PPIP5K2: variants seen among roughly 807,000 people sequenced by gnomAD.
The protein encoded by PPIP5K2 is diphosphoinositol pentakisphosphate kinase 2.
In PPIP5K2, 105 loss-of-function variants were observed where a neutral mutation model predicts 154.6. That is an observed-to-expected ratio of 0.68 (90% CI 0.58 to 0.80). The LOEUF is 0.80. PPIP5K2 is among the 30% of genes least tolerant of loss of function. The pLI, the probability that PPIP5K2 is intolerant of heterozygous loss-of-function variation, is 0.00. For synonymous variants in PPIP5K2, 480 were observed against 490.3 expected (o/e 0.98, Z 0.28); for missense variants, 992 against 1,504.6 (o/e 0.66, Z 5.64).
chr5:103,173,786 A>G (rs1178592271), intron 20 of PPIP5K2, 72 bp from the exon 21 acceptor site: 3 of 1,014,782 alleles, frequency 3.0e-6, no homozygotes, highest in Non-Finnish European at 4.5e-6. Flanking sequence ...TTAATTTTAG[A>G]AAATAATTTC....
At chr5:103,151,218 AT>A (rs1554211202) in intron 8 of PPIP5K2, 34 bp from the exon 9 acceptor site, 2 of 1,532,642 alleles carry the variant, frequency 1.3e-6, no homozygotes, top group African/African-American at 1.4e-5. Context: ...AATAATTTAA[AT>A]AAAACCTTAA....
intron 1 of PPIP5K2, among the ~76,000 whole-genome samples, chr5:103,121,143 G>A (rs1554198879): frequency 1.3e-5 from 2 of 152,092 alleles, no homozygotes; most frequent in African/African-American, 4.8e-5. Context: ...AGGCTTAACT[G>A]TGGAAGTGGG....
At position 103,184,840 on chromosome 5, in the gene PPIP5K2, A is replaced by C. The variant is rs1293764873; in HGVS notation, c.3169+96A>C. ...TTTGGTGAAAGCATGACCAAATGCT[A>C]TGCTGTAGTTTTTATTTAATGTGTA... On this transcript the variant is annotated intron_variant, in intron 26 of 30. Transcript: ENST00000358359. 5.9e-6 allele frequency: 5 copies of C among 847,828 alleles called. No individual in the cohort carries two copies. The African/African-American group carries it at 6.9e-5, about 12-fold the overall frequency. 52.5% of individuals were successfully genotyped at this position (847,828 alleles called of 1,614,324 possible).
chr5:103,188,434 A>G (rs868995531), intron 28 of PPIP5K2, among the ~76,000 whole-genome samples: 47 of 152,286 alleles, frequency 3.1e-4, no homozygotes, highest in African/African-American at 9.9e-4. Context: ...CTTTAACAAC[A>G]CATCTAAATA....
At chr5:103,185,077 A>G (rs1479975823) in intron 26 of PPIP5K2, among the ~76,000 whole-genome samples, 1 of 152,150 alleles carries the variant, frequency 6.6e-6, no homozygotes, top group Non-Finnish European at 1.5e-5. Context: ...AAAAGATGCT[A>G]TTGCATGCAG....
At position 103,207,068 on chromosome 5, in the gene PPIP5K2, G is replaced by C. The variant is rs570967394; in HGVS notation, c.*5434G>C. 2 of 152,396 alleles carry C rather than the reference G, an allele frequency of 1.3e-5. No individual in the cohort carries two copies. The highest frequency in any genetic ancestry group is 1.9e-4 in the East Asian group (1 of 5,182). 9.4% of individuals were successfully genotyped at this position (152,396 alleles called of 1,614,324 possible). ...GGTACCTGGTCTAGGAATGCAGCTA[G>C]GTTTATAGACATGGCCAGCCCAGGG... On this transcript the variant is annotated 3_prime_UTR_variant, in exon 31 of 31. Coordinates refer to ENST00000358359, the MANE Select transcript of PPIP5K2 (RefSeq NM_001276277.3).
chr5:103,166,361 T>G (rs1250279245), intron 17 of PPIP5K2, among the ~76,000 whole-genome samples: 1 of 151,976 alleles, frequency 6.6e-6, no homozygotes, highest in Non-Finnish European at 1.5e-5. Flanking sequence ...ACAAGGGCAG[T>G]TTTGCAAGAG....
chr5:103,182,857 A>T (rs1317976813), intron 24 of PPIP5K2, among the ~76,000 whole-genome samples: 4 of 152,172 alleles, frequency 2.6e-5, no homozygotes, highest in African/African-American at 9.7e-5. Flanking sequence ...ATCTTAAATT[A>T]AGCAGAAAAC....
intron 14 of PPIP5K2, among the ~76,000 whole-genome samples, chr5:103,157,418 A>G (rs1795576376): frequency 6.6e-6 from 1 of 152,210 alleles, no homozygotes; most frequent in Admixed American, 6.5e-5. Flanking sequence ...AATTAGAATA[A>G]ATGTTAGGCT....
intron 7 of PPIP5K2, 43 bp downstream of exon 7, chr5:103,148,075 T>C: frequency 7.6e-7 from 1 of 1,307,252 alleles, no homozygotes; most frequent in Non-Finnish European, 1.1e-6. Context: ...ATTTCAAGTT[T>C]ACCAATGATA....
Position 103,202,808 on chromosome 5 carries a change from A to G in PPIP5K2, c.*1174A>G, listed in dbSNP as rs1224859593. On this transcript the variant is annotated 3_prime_UTR_variant, in exon 31 of 31. Coordinates refer to ENST00000358359, the MANE Select transcript of PPIP5K2 (RefSeq NM_001276277.3). ...GGACAATCTGATAAGAATTTCATGCATTGGTAGTTAAATAACTTAAATTGC... is the reference window on the plus strand; with the variant it reads ...GGACAATCTGATAAGAATTTCATGCGTTGGTAGTTAAATAACTTAAATTGC... 4 of 152,166 alleles carry G rather than the reference A, an allele frequency of 2.6e-5. No homozygotes were observed. Among genetic ancestry groups the G allele is most frequent in the Non-Finnish European group, 4.4e-5 (3 of 67,996 alleles). The allele number at this position is 152,166 out of a possible 1,614,324, so 9.4% of individuals were successfully genotyped here. A position where few individuals can be genotyped will look rare whatever the true frequency, so the allele number is the denominator to read the frequency against.
At position 103,153,862 on chromosome 5, in the gene PPIP5K2, G is replaced by T; in HGVS notation, c.1145G>T (p.Cys382Phe). ...TTSGTMMELR[C>F]VIAVIRHGDR... ...TTTCATTTTAGGATGGAACTTAGAT[G>T]TGTCATAGCTGTTATACGTCATGGG... is the stretch of plus-strand genomic sequence containing the variant. The change falls in exon 11 of 31, where the codon TGT (cysteine) becomes TTT (phenylalanine). Residue 382 changes from cysteine to phenylalanine, a missense_variant. By Grantham distance (205) the Cys-to-Phe change is radical. Transcript: ENST00000358359. 6.2e-7 allele frequency: 1 copy of T among 1,600,780 alleles called. No individual in the cohort carries two copies. Among genetic ancestry groups the T allele is most frequent in the Admixed American group, 1.7e-5 (1 of 57,256 alleles).
At chr5:103,149,003 T>C in intron 7 of PPIP5K2, 149 bp from the exon 8 acceptor site, 1 of 586,348 alleles carries the variant, frequency 1.7e-6, no homozygotes, top group Non-Finnish European at 2.8e-6. Context: ...AACTGAAAAT[T>C]TGGGCATGTA....
intron 14 of PPIP5K2, among the ~76,000 whole-genome samples, chr5:103,157,173 T>A (rs9687646): frequency 6.6e-6 from 1 of 152,244 alleles, no homozygotes; most frequent in East Asian, 1.9e-4. Flanking sequence ...GTTCTTTTAG[T>A]GCTTATAATG....
intron 7 of PPIP5K2, among the ~76,000 whole-genome samples, chr5:103,148,951 C>A (rs1015602624): frequency 6.6e-6 from 1 of 152,026 alleles, no homozygotes; most frequent in Non-Finnish European, 1.5e-5. Flanking sequence ...CTTCACTTTA[C>A]CAATTTTGCT....
At chr5:103,160,922 C>CA (rs1243781719) in intron 17 of PPIP5K2, among the ~76,000 whole-genome samples, 1 of 150,272 alleles carries the variant, frequency 6.7e-6, no homozygotes, top group African/African-American at 2.4e-5. Context: ...CAGGTAATGT[C>CA]AAACTGTTTT....
intron 21 of PPIP5K2, among the ~76,000 whole-genome samples, chr5:103,175,683 G>T (rs1353846427): frequency 6.6e-6 from 1 of 152,036 alleles, no homozygotes; most frequent in Non-Finnish European, 1.5e-5. Flanking sequence ...TTTGGTTATT[G>T]TGTGGACAGC....
chr5:103,152,747 T>A lies in PPIP5K2; in HGVS notation c.1128T>A (p.Thr376=), dbSNP rs782253559. 6.5e-7 allele frequency: 1 copy of A among 1,529,952 alleles called. No individual in the cohort carries two copies. The highest frequency in any genetic ancestry group is 9.0e-7 in the Non-Finnish European group (1 of 1,107,520). The allele number at this position is 1,529,952 out of a possible 1,614,324, so 94.8% of individuals were successfully genotyped here. The change falls in exon 10 of 31, where the codon ACT becomes ACA. Residue 376 remains threonine (T), a splice_region_variant and synonymous_variant. Coordinates refer to ENST00000358359, the MANE Select transcript of PPIP5K2 (RefSeq NM_001276277.3). ...CAATTGTACCAACTACATCTGGAAC[T>A]ATGTAAGTCTGAATTATTTTCATTT... The part of the protein sequence containing the change: ...DIPIVPTTSG[T]MMELRCVIAV...
At chr5:103,127,979 C>T (rs902786785) in intron 1 of PPIP5K2, among the ~76,000 whole-genome samples, 3 of 151,346 alleles carry the variant, frequency 2.0e-5, no homozygotes, top group Non-Finnish European at 4.4e-5. Context: ...ACATGTTAAA[C>T]AGTACAGAGG....
Sources: gnomAD v4.1 joint callset for allele counts (sites outside exome capture counted in the v4.1 genomes callset) on GRCh38, gnomAD v4.1.1 for gene constraint, MANE v1.5 for transcripts, NCBI Gene and HGNC (gene_info 2026-07-23, HGNC 2026-07-21) for gene names.